The following VMA22 variants were observed in gnomAD, a reference collection of about 807,000 sequenced individuals.
VMA22 encodes the protein vacuolar ATPase assembly factor VMA22, also known as vacuolar ATPase assembly protein VMA22.
the VMA22 span, chr2:130,340,793 AG>A: frequency 7.6e-7 from 1 of 1,310,362 alleles, no homozygotes; most frequent in Non-Finnish European, 1.1e-6. Context: ...GTTTGGATGG[AG>A]GAAAACCTGC....
At chr2:130,339,764 T>G in the VMA22 span, 9 of 1,303,758 alleles carry the variant, frequency 6.9e-6, no homozygotes, top group Non-Finnish European at 9.1e-6. Context: ...CCAGGACACC[T>G]GCCCCCAGGT....
the VMA22 span, chr2:130,340,328 G>A: frequency 5.9e-6 from 1 of 169,640 alleles, no homozygotes; most frequent in South Asian, 1.3e-4. Context: ...GCATTCCTGT[G>A]ACCCTGTACA....
the VMA22 span, chr2:130,339,070 G>A: frequency 1.4e-6 from 2 of 1,401,194 alleles, no homozygotes; most frequent in Non-Finnish European, 2.0e-6. Flanking sequence ...AGATCACGTA[G>A]CCATGTCGGA....
chr2:130,341,076 C>T, the VMA22 span: 1 of 1,541,728 alleles, frequency 6.5e-7, no homozygotes, highest in African/African-American at 1.4e-5. Flanking sequence ...TGGGATCTTA[C>T]TCCCTGACCT....
chr2:130,341,889 G>T, the VMA22 span: 1 of 1,611,854 alleles, frequency 6.2e-7, no homozygotes, highest in Non-Finnish European at 8.5e-7. Context: ...ATACTGCAGG[G>T]GCCCTACCGA....
the VMA22 span, chr2:130,341,018 G>A: frequency 1.2e-6 from 2 of 1,611,376 alleles, no homozygotes; most frequent in Non-Finnish European, 1.7e-6. Context: ...GGTCTTAGTG[G>A]GGCCCTTGCG....
the VMA22 span, chr2:130,341,524 C>T: frequency 1.4e-6 from 1 of 700,094 alleles, no homozygotes; most frequent in South Asian, 2.0e-5. Context: ...AAGTCTAAGG[C>T]AAAACCACCC....
the VMA22 span, chr2:130,340,969 C>G: frequency 1.2e-6 from 2 of 1,613,884 alleles, no homozygotes; most frequent in South Asian, 2.2e-5. Context: ...CAAACCAGTT[C>G]AGGGGGTCCT....
the VMA22 span, chr2:130,341,333 A>G: frequency 1.8e-6 from 1 of 545,108 alleles, no homozygotes; most frequent in Non-Finnish European, 3.2e-6. Context: ...CAGACCAGAC[A>G]TAGACGTTCC....
chr2:130,339,141 C>G, the VMA22 span: 2 of 1,614,056 alleles, frequency 1.2e-6, no homozygotes, highest in Non-Finnish European at 8.5e-7. Flanking sequence ...CAGGCTCCAG[C>G]TGCTTGAGTT....
chr2:130,340,888 A>G, the VMA22 span: 1 of 1,613,920 alleles, frequency 6.2e-7, no homozygotes, highest in African/African-American at 1.3e-5. Context: ...CCACAGAGCC[A>G]AACAACACGG....
At chr2:130,341,801 G>GCTCCCC in the VMA22 span, 1 of 1,378,140 alleles carries the variant, frequency 7.3e-7, no homozygotes, top group Non-Finnish European at 9.9e-7. Context: ...CCTAGAACGC[G>GCTCCCC]CCCGCCCGCC....
the VMA22 span, chr2:130,342,025 C>T: frequency 6.2e-7 from 1 of 1,613,984 alleles, no homozygotes; most frequent in Non-Finnish European, 8.5e-7. Context: ...CTCCTCCACC[C>T]GGGCGTTCAA....
chr2:130,339,141 C>A, the VMA22 span: 293 of 1,614,056 alleles, frequency 1.8e-4, 3 homozygotes, highest in South Asian at 2.5e-3. Context: ...CAGGCTCCAG[C>A]TGCTTGAGTT....
At chr2:130,341,945 C>T in the VMA22 span, 1 of 1,613,440 alleles carries the variant, frequency 6.2e-7, no homozygotes, top group South Asian at 1.1e-5. Context: ...AGAGCCAGCC[C>T]TGCAGGGAGA....
At chr2:130,341,329 A>G in the VMA22 span, 1 of 540,248 alleles carries the variant, frequency 1.9e-6, no homozygotes, top group Non-Finnish European at 3.3e-6. Flanking sequence ...CCAACAGACC[A>G]GACATAGACG....
the VMA22 span, chr2:130,341,801 G>GGGGCCCCCCCCCC: frequency 7.3e-7 from 1 of 1,378,138 alleles, no homozygotes; most frequent in Non-Finnish European, 9.9e-7. Flanking sequence ...CCTAGAACGC[G>GGGGCCCCCCCCCC]CCCGCCCGCC....
At chr2:130,340,818 G>T in the VMA22 span, 4 of 1,515,402 alleles carry the variant, frequency 2.6e-6, no homozygotes, top group Middle Eastern at 3.5e-4. Flanking sequence ...GCCTTTCACA[G>T]ACTAACCCCA....
chr2:130,339,624 G>C, the VMA22 span: 1 of 1,305,330 alleles, frequency 7.7e-7, no homozygotes, highest in Non-Finnish European at 1.0e-6. Context: ...GATGGCTTTT[G>C]CTGATGTCTC....
Sources: allele counts gnomAD v4.1 joint callset, GRCh38; gene constraint gnomAD v4.1.1; transcripts MANE v1.5; gene names NCBI Gene and HGNC (gene_info 2026-07-23, HGNC 2026-07-21).